The following ARNT2 variants were observed in gnomAD, a reference collection of about 807,000 sequenced individuals.
The protein encoded by ARNT2 is aryl hydrocarbon receptor nuclear translocator 2, also known as ARNT protein 2.
In ARNT2, 36 loss-of-function variants were observed where a neutral mutation model predicts 91.7. The observed-to-expected ratio is 0.39, with a 90% CI of 0.30 to 0.52. The LOEUF (loss-of-function observed/expected upper bound fraction) is 0.52, where lower values mean the gene tolerates loss of function less well. ARNT2 is among the 20% of genes least tolerant of loss of function. The pLI is 0.72. For synonymous variants in ARNT2, 365 were observed against 347.1 expected (o/e 1.05, Z -0.57); for missense variants, 775 against 939.3 (o/e 0.83, Z 2.29).
At position 80,593,671 on chromosome 15, in the gene ARNT2, G is replaced by A; in HGVS notation, c.2127G>A (p.Leu709=). The change falls in exon 19 of 19, where the codon CTG becomes CTA. Residue 709 remains leucine, a synonymous_variant. Coordinates refer to ENST00000303329, the MANE Select transcript of ARNT2 (RefSeq NM_014862.4). ...ATAACATCGAAGACTTTGCCGACCT[G>A]GGCATGTTTCCACCGTTTTCTGAGT... ...GNYNIEDFAD[L]GMFPPFSE The A allele has an allele frequency of 1.2e-6, 2 of 1,606,352 alleles. No individual in the cohort carries two copies. The highest frequency in any genetic ancestry group is 1.7e-6 in the Non-Finnish European group (2 of 1,175,620).
At chr15:80,417,145 A>G (rs1462676004) in intron 1 of ARNT2, among the ~76,000 whole-genome samples, 1 of 152,200 alleles carries the variant, frequency 6.6e-6, no homozygotes, top group Non-Finnish European at 1.5e-5. Flanking sequence ...GAAGTGTTTA[A>G]TTACCAACTT....
At chr15:80,576,332 A>G (rs1022852307) in intron 14 of ARNT2, among the ~76,000 whole-genome samples, 64 of 152,042 alleles carry the variant, frequency 4.2e-4, no homozygotes, top group Non-Finnish European at 2.4e-4. Context: ...GCTGGAGTGC[A>G]GTGGCGTGAT....
intron 1 of ARNT2, among the ~76,000 whole-genome samples, chr15:80,414,069 A>G (rs1330778720): frequency 6.6e-6 from 1 of 152,228 alleles, no homozygotes; most frequent in Non-Finnish European, 1.5e-5. Context: ...TTTTTAAATT[A>G]ATAGCCACAC....
chr15:80,418,688 A>T (rs1249898086), intron 1 of ARNT2, among the ~76,000 whole-genome samples: 2 of 152,228 alleles, frequency 1.3e-5, no homozygotes, highest in East Asian at 3.9e-4. Context: ...TGTGGGACGG[A>T]TGCTGTGTCT....
intron 8 of ARNT2, among the ~76,000 whole-genome samples, chr15:80,517,550 AT>A (rs1266321352): frequency 2.0e-5 from 3 of 149,838 alleles, no homozygotes; most frequent in Admixed American, 6.6e-5. Context: ...CTTCTGCTCC[AT>A]TTTCTCTTTC....
chr15:80,497,996 C>T (rs1017847088), intron 5 of ARNT2, among the ~76,000 whole-genome samples: 3 of 152,190 alleles, frequency 2.0e-5, no homozygotes, highest in Non-Finnish European at 4.4e-5. Context: ...CAACTGTGTT[C>T]CTAGTGTCGT....
chr15:80,461,582 G>A (rs992673969), intron 3 of ARNT2, among the ~76,000 whole-genome samples: 2 of 152,162 alleles, frequency 1.3e-5, no homozygotes. Flanking sequence ...AGAGGAGGCC[G>A]AGGTCAGTCC....
At chr15:80,422,280 A>G (rs1447981299) in intron 1 of ARNT2, among the ~76,000 whole-genome samples, 2 of 152,234 alleles carry the variant, frequency 1.3e-5, no homozygotes, top group Non-Finnish European at 2.9e-5. Flanking sequence ...AACTAGATGT[A>G]GGGAAAATAG....
At chr15:80,527,343 T>C (rs988637165) in intron 8 of ARNT2, among the ~76,000 whole-genome samples, 4 of 152,104 alleles carry the variant, frequency 2.6e-5, no homozygotes, top group African/African-American at 9.7e-5. Flanking sequence ...AACATGCATG[T>C]AGGAGAGAAA....
At chr15:80,466,692 C>T (rs1378995983) in intron 3 of ARNT2, among the ~76,000 whole-genome samples, 2 of 152,316 alleles carry the variant, frequency 1.3e-5, no homozygotes, top group East Asian at 1.9e-4. Flanking sequence ...AGAATGAAAC[C>T]GTACATACAT....
At position 80,591,808 on chromosome 15, in the gene ARNT2, G is replaced by A; in HGVS notation, c.2055+104G>A. 3 of 1,545,002 alleles carry A rather than the reference G, an allele frequency of 1.9e-6. No individual in the cohort carries two copies. The South Asian group carries it at 3.7e-5, about 19-fold the overall frequency. ...CCACCGCCTGCCCGATAGCCGTCGTGAGTTCTGGCCCAGCCTGGGCTCGAG... is the reference window on the plus strand; with the variant it reads ...CCACCGCCTGCCCGATAGCCGTCGTAAGTTCTGGCCCAGCCTGGGCTCGAG... On this transcript the variant is annotated intron_variant, in intron 18 of 18. Transcript: ENST00000303329. The surrounding 1 kb of genome is among the most constrained non-coding windows in gnomAD (Gnocchi z 5.1).
intron 1 of ARNT2, among the ~76,000 whole-genome samples, chr15:80,426,969 G>A (rs1365744684): frequency 6.6e-6 from 1 of 152,052 alleles, no homozygotes; most frequent in African/African-American, 2.4e-5. Context: ...ATCCTATCAT[G>A]GAAGCTCCAC....
rs951893985 is a variant in ARNT2 at position 80,463,933 on chromosome 15, CTTACCATGTT to C, written c.194+5959_194+5968del. ...GATGGACCTGCACCTTGATGTGTTT[CTTACCATGTT>C]TAGCTATGCTACCCGCTTCAGTTTT... On this transcript the variant is annotated intron_variant, in intron 3 of 18. Transcript: ENST00000303329. Among the ~76,000 whole-genome samples the C allele has an allele frequency of 2.0e-5, 3 of 152,236 alleles. No individual in the cohort carries two copies. In the East Asian group the frequency reaches 5.8e-4, roughly 29 times the overall value.
intron 8 of ARNT2, among the ~76,000 whole-genome samples, chr15:80,530,112 C>T (rs181709787): frequency 6.6e-5 from 10 of 152,186 alleles, no homozygotes; most frequent in African/African-American, 2.4e-4. Context: ...GGCTCAACTT[C>T]GAGAGGTCAC....
chr15:80,451,643 T>TAACC (rs936258757), intron 2 of ARNT2, among the ~76,000 whole-genome samples: 1 of 151,584 alleles, frequency 6.6e-6, no homozygotes, highest in African/African-American at 2.4e-5. Flanking sequence ...ACCAACCAAC[T>TAACC]AACCAACCAA....
At chr15:80,461,740 G>A (rs572488619) in intron 3 of ARNT2, among the ~76,000 whole-genome samples, 131 of 152,236 alleles carry the variant, frequency 8.6e-4, no homozygotes, top group Admixed American at 1.8e-3. Context: ...TGGCAGAGAC[G>A]GATGGCACGA....
chr15:80,515,798 A>G (rs894214549), intron 8 of ARNT2, among the ~76,000 whole-genome samples: 1 of 150,188 alleles, frequency 6.7e-6, no homozygotes, highest in African/African-American at 2.4e-5. Context: ...AGAATGTAGT[A>G]TATATATCTC....
At chr15:80,472,628 A>G (rs1354255464) in intron 4 of ARNT2, among the ~76,000 whole-genome samples, 1 of 152,230 alleles carries the variant, frequency 6.6e-6, no homozygotes, top group Non-Finnish European at 1.5e-5. Context: ...CAGCAGTGGT[A>G]ATATGTGCCA....
chr15:80,407,909 A>G (rs1446026794), intron 1 of ARNT2, among the ~76,000 whole-genome samples: 1 of 152,244 alleles, frequency 6.6e-6, no homozygotes, highest in African/African-American at 2.4e-5. Flanking sequence ...GCATGAGGGA[A>G]TCAGCTACAA....
Sources: allele counts gnomAD v4.1 joint callset (sites outside exome capture counted in the v4.1 genomes callset), GRCh38; gene constraint gnomAD v4.1.1; non-coding constraint Gnocchi (gnomAD v3.1); transcripts MANE v1.5; gene names NCBI Gene and HGNC (gene_info 2026-07-23, HGNC 2026-07-21).